Variants in RYR3 observed in about 807,000 individuals in gnomAD.
The protein encoded by RYR3 is ryanodine receptor 3.
A neutral mutation model predicts 584.3 loss-of-function variants in RYR3; 207 were observed. The observed-to-expected ratio is 0.35, with a 90% confidence interval of 0.32 to 0.40. The LOEUF is 0.40. Ranked by LOEUF, RYR3 falls within the 10% of genes least tolerant of loss-of-function variation. The pLI is 1.00. For synonymous variants in RYR3, 2,416 were observed against 2,248.5 expected, an observed-to-expected ratio of 1.07 and a Z score of -2.11; for missense variants, 5,616 against 6,089.2, an observed-to-expected ratio of 0.92 and a Z score of 2.59.
Position 33,530,603 on chromosome 15 carries a change from A to G in RYR3, c.291A>G (p.Gly97=). 6.2e-7 allele frequency: 1 copy of G among 1,612,948 alleles called. No individual in the cohort carries two copies. Among genetic ancestry groups the G allele is most frequent in the Non-Finnish European group, 8.5e-7 (1 of 1,179,040 alleles). ...GENGGEGAAQ[G]GGHRTLLYGH... ...CCTCATTCCCACAGGCAGCACAAGG[A>G]GGTGGCCACAGGACCCTGTTATACG... Residue 97 remains glycine, a synonymous_variant, in exon 4 of 104, where the codon GGA becomes GGG. Transcript: ENST00000634891.
In RYR3 at chr15:33,636,358, T is replaced by C; in HGVS notation, c.3382-18T>C. The C allele has an allele frequency of 1.2e-6, 2 of 1,613,090 alleles. No individual in the cohort carries two copies. Among genetic ancestry groups the C allele is most frequent in the South Asian group, 2.2e-5 (2 of 91,038 alleles). On this transcript the variant is annotated intron_variant, in intron 26 of 103. Transcript: ENST00000634891. ...CTAGAGACTCCATTTCTCTAAGCCC[T>C]AGAGTCTTGTTTTCTAGGGCCAGCG...
intron 60 of RYR3, among the ~76,000 whole-genome samples, chr15:33,758,485 G>C (rs1349144925): frequency 1.3e-5 from 2 of 152,180 alleles, no homozygotes; most frequent in Non-Finnish European, 2.9e-5. Context: ...ACTGAGACTT[G>C]AGTAGGCCGT....
chr15:33,727,100 C>A (rs1312931193), intron 46 of RYR3, among the ~76,000 whole-genome samples: 1 of 152,208 alleles, frequency 6.6e-6, no homozygotes, highest in Non-Finnish European at 1.5e-5. Flanking sequence ...TCCCCTGGGT[C>A]CCCCAGCTTG....
chr15:33,713,166 G>A (rs922456493), intron 43 of RYR3, among the ~76,000 whole-genome samples: 6 of 152,268 alleles, frequency 3.9e-5, no homozygotes, highest in African/African-American at 1.2e-4. Context: ...AGGAATCGTG[G>A]CAGATGATGG....
rs575257746 is a variant in RYR3 at position 33,537,409 on chromosome 15, C to A, written c.434-1941C>A. On this transcript the variant is annotated intron_variant, in intron 5 of 103. Coordinates refer to ENST00000634891, the MANE Select transcript of RYR3 (RefSeq NM_001036.6). ...TTTTTGCCTTCTTGGTTTACCACCT[C>A]ACTGTGGTGGAACACATTATCTAGT... is the stretch of plus-strand genomic sequence containing the variant. Among the ~76,000 whole-genome samples, 1,392 of 152,258 alleles carry A rather than the reference C, an allele frequency of 9.1e-3. 24 individuals carry two copies. The highest frequency in any genetic ancestry group is 0.032 in the African/African-American group (1,314 of 41,528).
intron 31 of RYR3, 53 bp downstream of exon 31, chr15:33,649,288 C>A (rs1247594619): frequency 6.5e-7 from 1 of 1,544,110 alleles, no homozygotes. Context: ...CAGTCCCTCC[C>A]CCCAGTCTTT....
chr15:33,687,740 G>A (rs1368011741), intron 38 of RYR3, among the ~76,000 whole-genome samples: 1 of 152,072 alleles, frequency 6.6e-6, no homozygotes, highest in Non-Finnish European at 1.5e-5. Flanking sequence ...ACAGAACAGA[G>A]GCCTCAGAAA....
At chr15:33,847,343 C>T (rs569856737) in intron 93 of RYR3, 58 of 152,318 alleles carry the variant, frequency 3.8e-4, no homozygotes, top group African/African-American at 1.3e-3. Flanking sequence ...TGGACAAAAG[C>T]GATGTGGGGT....
intron 1 of RYR3, among the ~76,000 whole-genome samples, chr15:33,458,049 A>G (rs540838207): frequency 8.5e-5 from 13 of 152,202 alleles, no homozygotes; most frequent in Non-Finnish European, 1.6e-4. Flanking sequence ...TGTGATGGTT[A>G]ATTTTATGGT....
intron 38 of RYR3, among the ~76,000 whole-genome samples, chr15:33,691,711 A>G (rs1220515579): frequency 1.3e-5 from 2 of 152,222 alleles, no homozygotes; most frequent in Admixed American, 6.5e-5. Flanking sequence ...GTACCATTCT[A>G]TCACAGAGGA....
intron 1 of RYR3, among the ~76,000 whole-genome samples, chr15:33,470,485 C>T (rs927914388): frequency 3.9e-5 from 6 of 151,964 alleles, no homozygotes; most frequent in African/African-American, 1.5e-4. Flanking sequence ...ATCAACAGTC[C>T]TCCTTGAGAA....
chr15:33,790,687 G>A (rs2075101589), intron 67 of RYR3, among the ~76,000 whole-genome samples: 1 of 152,164 alleles, frequency 6.6e-6, no homozygotes, highest in Non-Finnish European at 1.5e-5. Flanking sequence ...GAGAGGTCTG[G>A]TGTAGACATA....
At chr15:33,556,167 C>T (rs1305412708) in intron 10 of RYR3, among the ~76,000 whole-genome samples, 1 of 152,118 alleles carries the variant, frequency 6.6e-6, no homozygotes, top group African/African-American at 2.4e-5. Context: ...GTAAAAGGTA[C>T]TTTCTTGTCA....
At chr15:33,352,934 T>C (rs1973474849) in intron 1 of RYR3, among the ~76,000 whole-genome samples, 1 of 152,200 alleles carries the variant, frequency 6.6e-6, no homozygotes, top group African/African-American at 2.4e-5. Context: ...TAATATGTTA[T>C]ATTTACTATG....
intron 86 of RYR3, among the ~76,000 whole-genome samples, chr15:33,833,113 T>C (rs1358362912): frequency 6.6e-6 from 1 of 152,050 alleles, no homozygotes; most frequent in East Asian, 1.9e-4. Flanking sequence ...TTTGGAGAAG[T>C]TAGAGATAGG....
chr15:33,379,687 C>CTCTCTCTCTCTCTCTCTCTCTCTCTA, intron 1 of RYR3, among the ~76,000 whole-genome samples: 4 of 125,498 alleles, frequency 3.2e-5, no homozygotes, highest in African/African-American at 1.1e-4. Context: ...CTCTCTCTCT[C>CTCTCTCTCTCTCTCTCTCTCTCTCTA]TATATATATA....
chr15:33,702,550 C>T (rs894571786), intron 42 of RYR3, among the ~76,000 whole-genome samples: 3 of 152,114 alleles, frequency 2.0e-5, no homozygotes, highest in Non-Finnish European at 4.4e-5. Context: ...AGGAGGCCGG[C>T]GATGAGTTTG....
At chr15:33,650,625 C>T (rs1258612877) in intron 31 of RYR3, among the ~76,000 whole-genome samples, 1 of 152,158 alleles carries the variant, frequency 6.6e-6, no homozygotes, top group Non-Finnish European at 1.5e-5. Flanking sequence ...GGTATATGAG[C>T]TAGATTGGCC....
chr15:33,482,123 G>C (rs1039950131), intron 2 of RYR3, among the ~76,000 whole-genome samples: 1 of 151,902 alleles, frequency 6.6e-6, no homozygotes, highest in Admixed American at 6.6e-5. Flanking sequence ...TTATACTTCA[G>C]ATCTGCTGGG....
Sources: allele counts gnomAD v4.1 joint callset (sites outside exome capture counted in the v4.1 genomes callset), GRCh38; gene constraint gnomAD v4.1.1; transcripts MANE v1.5; gene names NCBI Gene and HGNC (gene_info 2026-07-23, HGNC 2026-07-21).